The following KDM3A variants were observed in gnomAD, a reference collection of about 807,000 sequenced individuals.
The protein encoded by KDM3A is lysine demethylase 3A, also known as lysine-specific demethylase 3A.
A neutral mutation model predicts 158.0 loss-of-function variants in KDM3A; 60 were observed. The ratio of observed to expected loss-of-function variants is 0.38; its 90% CI spans 0.31 to 0.47. KDM3A has a LOEUF of 0.47. Among genes scored for constraint, KDM3A ranks in the 20% least tolerant of loss-of-function variants. The pLI is 0.99. For synonymous variants in KDM3A, 608 were observed against 549.3 expected (o/e 1.11, Z -1.49); for missense variants, 1,319 against 1,574.3 (o/e 0.84, Z 2.74).
At position 86,482,565 on chromosome 2, in the gene KDM3A, C is replaced by T. The variant is rs957650720; in HGVS notation, c.2793C>T (p.Thr931=). ...SDLSKRPQGL[T]IKPSILGFDT... is the part of the protein sequence containing the mutation. Reference sequence around the variant, plus strand: ...TATCTAAGAGGCCTCAAGGACTAACCATCAAGCCCAGCATTCTGGGCTTTG... The same window carrying T: ...TATCTAAGAGGCCTCAAGGACTAACTATCAAGCCCAGCATTCTGGGCTTTG... The change falls in exon 18 of 26, where the codon ACC becomes ACT. Residue 931 remains threonine (T), a synonymous_variant. Transcript: ENST00000312912. 5 of 1,613,986 alleles carry T rather than the reference C, an allele frequency of 3.1e-6. No homozygotes were observed. In the African/African-American group the frequency reaches 5.3e-5, roughly 17 times the overall value.
At chr2:86,469,006 TTTCAATATCTGAGTAA>T (rs1482719355) in intron 10 of KDM3A, among the ~76,000 whole-genome samples, 2 of 152,224 alleles carry the variant, frequency 1.3e-5, no homozygotes, top group Admixed American at 1.3e-4. Context: ...AAAGGATGTC[TTTCAATATCTGAGTAA>T]TTAAAATTAC....
chr2:86,442,139 A>G lies in KDM3A; in HGVS notation c.92A>G (p.Asp31Gly), dbSNP rs758140046. 1 of 1,614,100 alleles carries G rather than the reference A, an allele frequency of 6.2e-7. No homozygotes were observed. Among genetic ancestry groups the G allele is most frequent in the East Asian group, 2.2e-5 (1 of 44,880 alleles). Residue 31 changes from aspartate (D) to glycine (G), a missense_variant, in exon 2 of 26, where the codon GAC becomes GGC. Asp to Gly is a moderately conservative substitution (Grantham distance 94). Coordinates refer to ENST00000312912, the MANE Select transcript of KDM3A (RefSeq NM_018433.6). ...SAADGSDGSH[D>G]SWDVERVAEW... ...GCCGACGGCAGCGATGGCAGCCACGACAGCTGGGACGTGGAGCGCGTCGCC... is the reference window on the plus strand; with the variant it reads ...GCCGACGGCAGCGATGGCAGCCACGGCAGCTGGGACGTGGAGCGCGTCGCC...
At chr2:86,487,192 G>C (rs1034368116) in intron 21 of KDM3A, 1 of 152,170 alleles carries the variant, frequency 6.6e-6, no homozygotes, top group Non-Finnish European at 1.5e-5. Flanking sequence ...ATTTTCAAAA[G>C]AATTGCTTGC....
At chr2:86,462,129 TTCAA>T (rs1465925026) in intron 8 of KDM3A, among the ~76,000 whole-genome samples, 1 of 152,074 alleles carries the variant, frequency 6.6e-6, no homozygotes, top group African/African-American at 2.4e-5. Context: ...AATGGGTAGA[TTCAA>T]TACATACTTT....
intron 6 of KDM3A, 67 bp from the exon 7 acceptor site, chr2:86,456,738 A>G: frequency 2.2e-6 from 3 of 1,372,592 alleles, no homozygotes; most frequent in African/African-American, 2.9e-5. Context: ...ATGTTAATGA[A>G]CCTGATTTTC....
intron 4 of KDM3A, among the ~76,000 whole-genome samples, chr2:86,452,467 C>T (rs912801110): frequency 1.3e-5 from 2 of 151,956 alleles, no homozygotes; most frequent in Non-Finnish European, 2.9e-5. Context: ...CTGTATTTCC[C>T]CTAGGAGCAA....
At chr2:86,459,716 T>C (rs1672850250) in intron 8 of KDM3A, among the ~76,000 whole-genome samples, 1 of 152,144 alleles carries the variant, frequency 6.6e-6, no homozygotes, top group East Asian at 1.9e-4. Context: ...TATAGACATA[T>C]ATGATATGAT....
rs200787123 is a variant in KDM3A, at chr2:86,482,111, T to G, written c.2685+9T>G. The G allele has an allele frequency of 8.4e-5, 116 of 1,379,184 alleles. 1 individual carries two copies. The highest frequency in any genetic ancestry group is 1.5e-4 in the South Asian group (12 of 82,202). 85.4% of individuals were successfully genotyped at this position (1,379,184 alleles called of 1,614,324 possible). On this transcript the variant is annotated intron_variant, in intron 17 of 25. Transcript: ENST00000312912. ...ATTCTTCTACAGGAAAGGTATGTGT[T>G]TGTTTGTTGGTATTCCATGTTTTAA...
chr2:86,482,024 T>TAA lies in KDM3A; in HGVS notation c.2608_2609dup (p.Asn870LysfsTer6). ...AATCCAGCACAGTCCTCCATACGTT[T>TAA]AACAGCACAATTTTGACACCCGTAA... On this transcript the variant is annotated frameshift_variant, in exon 17 of 26. Transcript: ENST00000312912. LOFTEE classifies it high-confidence loss of function. The TAA allele has an allele frequency of 6.2e-7, 1 of 1,614,138 alleles. No homozygotes were observed. Among genetic ancestry groups the TAA allele is most frequent in the Non-Finnish European group, 8.5e-7 (1 of 1,179,964 alleles).
intron 11 of KDM3A, among the ~76,000 whole-genome samples, chr2:86,473,126 ATATT>A (rs907063308): frequency 2.6e-5 from 4 of 152,150 alleles, no homozygotes; most frequent in African/African-American, 9.7e-5. Context: ...CCTACTAGAA[ATATT>A]TGTTTGTATG....
chr2:86,465,426 T>TG (rs1673092397), intron 9 of KDM3A, among the ~76,000 whole-genome samples: 1 of 152,152 alleles, frequency 6.6e-6, no homozygotes, highest in South Asian at 2.1e-4. Context: ...GACAGGATCT[T>TG]GCTCTGTTGC....
At chr2:86,446,744 C>G (rs1289817146) in intron 2 of KDM3A, among the ~76,000 whole-genome samples, 2 of 152,166 alleles carry the variant, frequency 1.3e-5, no homozygotes, top group Non-Finnish European at 2.9e-5. Context: ...GTAGAAATGT[C>G]CACAGAAGAA....
chr2:86,478,625 G>T lies in KDM3A; in HGVS notation c.2206G>T (p.Asp736Tyr). The T allele has an allele frequency of 6.2e-7, 1 of 1,614,098 alleles. No homozygotes were observed. The highest frequency in any genetic ancestry group is 8.5e-7 in the Non-Finnish European group (1 of 1,179,972). ...IPGKALYDVGDIVHSVRAKWG... is the reference protein window; with the variant it reads ...IPGKALYDVGYIVHSVRAKWG... ...TTCTTTAGCACTCTATGATGTTGGA[G>T]ACATTGTTCATTCTGTAAGAGCGAA... is the stretch of plus-strand genomic sequence containing the variant. The change falls in exon 15 of 26, where the codon GAC becomes TAC. Residue 736 changes from aspartate (D) to tyrosine (Y), a missense_variant. By Grantham distance (160) the Asp-to-Tyr change is radical. This residue lies in a region of KDM3A where 368 missense variants were observed against 415.8 expected (regional missense o/e 0.89). Coordinates refer to ENST00000312912, the MANE Select transcript of KDM3A (RefSeq NM_018433.6).
rs1412671291 is a variant in KDM3A, at chr2:86,466,630, T to G, written c.1266T>G (p.Ala422=). ...CTAAGGAGTGCTTACCTACAAAGGC[T>G]TCTTCTAAGGCAGAATTGGAAATTG... ...GLPKECLPTK[A]SSKAELEIAN... is the part of the protein sequence containing the mutation. The change falls in exon 10 of 26, where the codon GCT becomes GCG. Residue 422 remains alanine, a synonymous_variant. Coordinates refer to ENST00000312912, the MANE Select transcript of KDM3A (RefSeq NM_018433.6). 6.2e-7 allele frequency: 1 copy of G among 1,613,948 alleles called. No individual in the cohort carries two copies. The highest frequency in any genetic ancestry group is 8.5e-7 in the Non-Finnish European group (1 of 1,179,884).
chr2:86,483,749 CCT>C (rs1674050541), intron 18 of KDM3A: 1 of 340,406 alleles, frequency 2.9e-6, no homozygotes, highest in Non-Finnish European at 5.4e-6. Flanking sequence ...GAGAGGTGAT[CCT>C]TTCTCCTAGA....
intron 10 of KDM3A, chr2:86,467,400 C>T (rs556666839): frequency 2.0e-5 from 3 of 152,758 alleles, no homozygotes; most frequent in Non-Finnish European, 4.4e-5. Flanking sequence ...AGAAAAGATG[C>T]AGAATTGTAT....
rs1414419495 is a variant in KDM3A, at chr2:86,466,426, T to C, written c.1062T>C (p.Ser354=). ...EEISSCLNTK[S]EALRTKPDVC... is the part of the protein sequence containing the mutation. ...TTTCTTCCTGTCTAAATACAAAGTCTGAAGCTCTGAGAACAAAACCAGATG... is the reference window on the plus strand; with the variant it reads ...TTTCTTCCTGTCTAAATACAAAGTCCGAAGCTCTGAGAACAAAACCAGATG... The change falls in exon 10 of 26, where the codon TCT becomes TCC. Residue 354 remains serine, a synonymous_variant. Transcript: ENST00000312912. The C allele has an allele frequency of 1.2e-6, 2 of 1,613,804 alleles. No homozygotes were observed. Among genetic ancestry groups the C allele is most frequent in the East Asian group, 4.5e-5 (2 of 44,874 alleles).
chr2:86,480,463 C>T lies in KDM3A; in HGVS notation c.2512+101C>T, dbSNP rs1039151787. The T allele has an allele frequency of 5.9e-6, 6 of 1,023,240 alleles. No homozygotes were observed. The African/African-American group carries it at 8.1e-5, about 14-fold the overall frequency. 63.4% of individuals were successfully genotyped at this position (1,023,240 alleles called of 1,614,324 possible). ...TAGAAGTCGTGTGGAATGGAAAGTGCTTCTCTGGAGTCATCCTGGAACCTG... is the reference window on the plus strand; with the variant it reads ...TAGAAGTCGTGTGGAATGGAAAGTGTTTCTCTGGAGTCATCCTGGAACCTG... On this transcript the variant is annotated intron_variant, in intron 16 of 25. Transcript: ENST00000312912.
At chr2:86,467,854 C>T (rs919968756) in intron 10 of KDM3A, among the ~76,000 whole-genome samples, 1 of 152,056 alleles carries the variant, frequency 6.6e-6, no homozygotes, top group Non-Finnish European at 1.5e-5. Flanking sequence ...GACCCCATCT[C>T]CACAAAAAAT....
Sources: gnomAD v4.1 joint callset for allele counts (sites outside exome capture counted in the v4.1 genomes callset) on GRCh38, gnomAD v4.1.1 for gene constraint, gnomAD v4.1.1 regional missense constraint, MANE v1.5 for transcripts, NCBI Gene and HGNC (gene_info 2026-07-23, HGNC 2026-07-21) for gene names.